DPP10: variants seen among roughly 807,000 people sequenced by gnomAD.
The protein encoded by DPP10 is dipeptidyl peptidase like 10, also known as inactive dipeptidyl peptidase 10.
Under a neutral mutation model 120.9 loss-of-function variants are expected in DPP10, and 33 were observed. The observed-to-expected ratio is 0.27, with a 90% CI of 0.21 to 0.37. The LOEUF (loss-of-function observed/expected upper bound fraction) is 0.37, where lower values mean the gene tolerates loss of function less well. Ranked by LOEUF, DPP10 falls within the 10% of genes least tolerant of loss-of-function variation. The pLI, the probability that DPP10 is intolerant of heterozygous loss-of-function variation, is 1.00. For synonymous variants in DPP10, 337 were observed against 326.1 expected, an observed-to-expected ratio of 1.03 and a Z score of -0.36; for missense variants, 816 against 942.8, an observed-to-expected ratio of 0.87 and a Z score of 1.76.
At chr2:114,504,688 G>A (rs910888555) in intron 1 of DPP10, among the ~76,000 whole-genome samples, 13 of 152,294 alleles carry the variant, frequency 8.5e-5, no homozygotes, top group Admixed American at 4.6e-4. Context: ...GTTGTTAAAT[G>A]TTGATATCAC....
chr2:114,873,202 A>C (rs1690840571), intron 1 of DPP10, among the ~76,000 whole-genome samples: 2 of 152,128 alleles, frequency 1.3e-5, no homozygotes, highest in Non-Finnish European at 2.9e-5. Context: ...CCTGGTAATA[A>C]TATTTGTTGT....
chr2:115,015,266 A>G (rs995189223), intron 1 of DPP10, among the ~76,000 whole-genome samples: 8 of 152,334 alleles, frequency 5.3e-5, no homozygotes, highest in Admixed American at 5.2e-4. Flanking sequence ...GATTATTTCA[A>G]TAGATGCAGA....
intron 1 of DPP10, among the ~76,000 whole-genome samples, chr2:114,496,118 G>C (rs939706282): frequency 1.3e-5 from 2 of 152,152 alleles, no homozygotes; most frequent in African/African-American, 4.8e-5. Flanking sequence ...TACAGAGCTA[G>C]TTATGAAGGA....
intron 1 of DPP10, among the ~76,000 whole-genome samples, chr2:115,052,528 G>A (rs1217862609): frequency 2.0e-5 from 3 of 152,114 alleles, no homozygotes; most frequent in Admixed American, 6.5e-5. Context: ...CTGGATAAGC[G>A]TTTCTCCAAA....
intron 1 of DPP10, among the ~76,000 whole-genome samples, chr2:115,290,031 A>G (rs1374064186): frequency 2.6e-5 from 4 of 152,214 alleles, no homozygotes; most frequent in Non-Finnish European, 1.5e-5. Flanking sequence ...CTGCACAGCA[A>G]AAGAAATAAT....
chr2:115,411,267 G>A (rs181136619), intron 3 of DPP10, among the ~76,000 whole-genome samples: 145 of 152,268 alleles, frequency 9.5e-4, no homozygotes, highest in African/African-American at 3.3e-3. Context: ...GGCAGGCGGA[G>A]GTTGCAGTGA....
chr2:114,529,058 G>A (rs551791799), intron 1 of DPP10, among the ~76,000 whole-genome samples: 1 of 152,212 alleles, frequency 6.6e-6, no homozygotes, highest in East Asian at 1.9e-4. Context: ...TTGGGAAGGG[G>A]AGATAGGAAA....
At chr2:115,742,847 C>G (rs966215995) in intron 9 of DPP10, among the ~76,000 whole-genome samples, 4 of 151,848 alleles carry the variant, frequency 2.6e-5, no homozygotes, top group African/African-American at 9.7e-5. Context: ...TAGCAAATAC[C>G]TAATGTGGTC....
chr2:114,601,142 A>G (rs1424740999), intron 1 of DPP10, among the ~76,000 whole-genome samples: 1 of 151,782 alleles, frequency 6.6e-6, no homozygotes, highest in Non-Finnish European at 1.5e-5. Context: ...CTTATTCAGT[A>G]TTTACTAGAT....
At chr2:115,193,011 C>T (rs1223120749) in intron 1 of DPP10, among the ~76,000 whole-genome samples, 5 of 151,474 alleles carry the variant, frequency 3.3e-5, no homozygotes, top group Non-Finnish European at 5.9e-5. Context: ...GGTATGAATC[C>T]ACATTCTTAT....
intron 1 of DPP10, among the ~76,000 whole-genome samples, chr2:114,449,240 T>C (rs974942593): frequency 6.6e-6 from 1 of 152,142 alleles, no homozygotes; most frequent in African/African-American, 2.4e-5. Context: ...CCTTTATGAA[T>C]GTTCTTTGGC....
intron 1 of DPP10, among the ~76,000 whole-genome samples, chr2:114,708,037 A>G (rs1700790541): frequency 6.6e-6 from 1 of 152,230 alleles, no homozygotes; most frequent in South Asian, 2.1e-4. Flanking sequence ...CGGCTGCTTC[A>G]GGGGTCATAC....
chr2:115,340,565 A>G (rs937889008), intron 2 of DPP10, among the ~76,000 whole-genome samples: 2 of 151,924 alleles, frequency 1.3e-5, no homozygotes, highest in African/African-American at 2.4e-5. Context: ...CATGAAAGAT[A>G]CCATGTTTGA....
intron 19 of DPP10, among the ~76,000 whole-genome samples, chr2:115,796,807 G>A (rs1684580885): frequency 6.6e-6 from 1 of 151,954 alleles, no homozygotes; most frequent in African/African-American, 2.4e-5. Context: ...AATCATCCAA[G>A]GTGAATACTA....
chr2:115,360,200 C>T (rs536813667), intron 3 of DPP10, among the ~76,000 whole-genome samples: 5 of 152,314 alleles, frequency 3.3e-5, no homozygotes, highest in South Asian at 4.1e-4. Context: ...TGCCAAAGTC[C>T]TTGCACTGAT....
chr2:115,468,312 C>A, intron 3 of DPP10: 1 of 514,614 alleles, frequency 1.9e-6, no homozygotes, highest in South Asian at 1.4e-5. Flanking sequence ...GAGGGCTCTG[C>A]CAAAGTTTGC....
intron 1 of DPP10, among the ~76,000 whole-genome samples, chr2:114,700,896 G>C (rs749701337): frequency 5.3e-5 from 8 of 152,042 alleles, no homozygotes; most frequent in Non-Finnish European, 1.2e-4. Flanking sequence ...TCGTCTTTTG[G>C]TGAGCTGTGC....
intron 1 of DPP10, among the ~76,000 whole-genome samples, chr2:114,494,836 G>T (rs1173593920): frequency 6.6e-6 from 1 of 152,074 alleles, no homozygotes; most frequent in African/African-American, 2.4e-5. Context: ...CAAAAGGTTT[G>T]GTATTAGTGA....
chr2:115,058,829 C>T (rs1183501198), intron 1 of DPP10, among the ~76,000 whole-genome samples: 2 of 152,130 alleles, frequency 1.3e-5, no homozygotes, highest in Admixed American at 6.6e-5. Context: ...CCATTCACAG[C>T]CTTGGTCTTC....
Sources: gnomAD v4.1 joint callset for allele counts (sites outside exome capture counted in the v4.1 genomes callset) on GRCh38, gnomAD v4.1.1 for gene constraint, MANE v1.5 for transcripts, NCBI Gene and HGNC (gene_info 2026-07-23, HGNC 2026-07-21) for gene names.